CERS4: variants seen among roughly 807,000 people sequenced by gnomAD.
CERS4 encodes ceramide synthase 4.
CERS4 carries 65 observed loss-of-function variants against 51.8 expected under a neutral mutation model. The ratio of observed to expected loss-of-function variants is 1.26; its 90% CI spans 1.03 to 1.54. CERS4 has a LOEUF of 1.54. CERS4 is among the 40% of genes most tolerant of loss of function. The probability of loss-of-function intolerance (pLI) is 0.00; values close to 1 mark genes in which losing one functional copy is unlikely to be tolerated. For missense variants in CERS4, 563 were observed against 500.4 expected (o/e 1.13, Z -1.19); for synonymous variants, 228 against 208.4 (o/e 1.09, Z -0.81).
At position 8,255,615 on chromosome 19, in the gene CERS4, G is replaced by C; in HGVS notation, c.300G>C (p.Leu100=). Residue 100 remains leucine (L), a synonymous_variant, in exon 5 of 12, where the codon CTG becomes CTC. Coordinates refer to ENST00000251363, the MANE Select transcript of CERS4 (RefSeq NM_024552.3). ...TEGHRPKEPQ[L]SLLAAQCGLT... ...CATCACCCCCTCCCCAGCCCCAGCTGTCTCTCCTGGCCGCCCAGTGTGGCC... is the reference window on the plus strand; with the variant it reads ...CATCACCCCCTCCCCAGCCCCAGCTCTCTCTCCTGGCCGCCCAGTGTGGCC... The C allele has an allele frequency of 6.2e-6, 10 of 1,611,486 alleles. No homozygotes were observed. Among genetic ancestry groups the C allele is most frequent in the South Asian group, 1.1e-5 (1 of 90,896 alleles).
intron 9 of CERS4, 170 bp downstream of exon 9, chr19:8,257,247 C>G: frequency 1.4e-6 from 1 of 695,614 alleles, no homozygotes. Context: ...CTGATAAGGC[C>G]CCACCCCCTC....
chr19:8,209,865 T>G (rs916642626), intron 1 of CERS4: 81 of 151,910 alleles, frequency 5.3e-4, no homozygotes, highest in African/African-American at 1.7e-3. Flanking sequence ...GGCCTCGGAG[T>G]CCGCAGCCCG....
At position 8,260,533 on chromosome 19, in the gene CERS4, G is replaced by GAAA. The variant is rs33924278; in HGVS notation, c.849-1147_849-1145dup. On this transcript the variant is annotated intron_variant, in intron 10 of 11. Transcript: ENST00000251363. Reference sequence around the variant, plus strand: ...GCCAGTACTTTCAAGGAGTTCCAAGGAAAAAAAAAAGCCTACAGGGAAAAG... The same window carrying GAAA: ...GCCAGTACTTTCAAGGAGTTCCAAGGAAAAAAAAAAAAAGCCTACAGGGAAAAG... Among the ~76,000 whole-genome samples the GAAA allele has an allele frequency of 5.1e-3, 751 of 146,134 alleles. 8 individuals are homozygous for GAAA. The highest frequency in any genetic ancestry group is 0.016 in the African/African-American group (641 of 40,076).
At position 8,262,360 on chromosome 19, in the gene CERS4, G is replaced by A. The variant is rs36261; in HGVS notation, c.*251G>A. Reference sequence around the variant, plus strand: ...CTGGCCAGAGACACCTCCAGGCTGTGGCCTGGGGGCTGGGGGGAGCCCCAG... The same window carrying A: ...CTGGCCAGAGACACCTCCAGGCTGTAGCCTGGGGGCTGGGGGGAGCCCCAG... On this transcript the variant is annotated 3_prime_UTR_variant, in exon 12 of 12. Transcript: ENST00000251363. The A allele has an allele frequency of 0.45, 180,076 of 396,074 alleles. 41,650 individuals carry two copies. Among genetic ancestry groups the A allele is most frequent in the Admixed American group, 0.57 (13,228 of 23,080 alleles). The allele number at this position is 396,074 out of a possible 1,614,324, so 24.5% of individuals were successfully genotyped here.
chr19:8,257,935 C>T lies in CERS4; in HGVS notation c.798C>T (p.Leu266=), dbSNP rs1969483624. The T allele has an allele frequency of 1.2e-6, 2 of 1,613,968 alleles. No individual in the cohort carries two copies. The highest frequency in any genetic ancestry group is 1.7e-5 in the Admixed American group (1 of 60,006). ...QYQQVCDALF[L]IFSFVFFYTR... ...AGCAAGTGTGCGACGCTCTCTTCCT[C>T]ATCTTCTCCTTTGTCTTCTTCTACA... Residue 266 remains leucine (L), a synonymous_variant, in exon 10 of 12, where the codon CTC becomes CTT. Transcript: ENST00000251363.
chr19:8,243,194 TAAAA>T lies in CERS4; in HGVS notation c.-1-7856_-1-7853del, dbSNP rs56754017. Among the ~76,000 whole-genome samples, 311 of 59,896 alleles carry T rather than the reference TAAAA, an allele frequency of 5.2e-3. 2 individuals are homozygous for T. The highest frequency in any genetic ancestry group is 0.015 in the African/African-American group (216 of 14,696). The allele number at this position is 59,896 out of a possible 152,430, so 39.3% of individuals were successfully genotyped here. A position where few individuals can be genotyped will look rare whatever the true frequency, so the allele number is the denominator to read the frequency against. On this transcript the variant is annotated intron_variant, in intron 2 of 11. Transcript: ENST00000251363. ...GGGTGACAAAGTGAGACCCTGTCTCTAAAAAAAAAAAAAAAAAAAAAAAAAAAAA... is the reference window on the plus strand; with the variant it reads ...GGGTGACAAAGTGAGACCCTGTCTCTAAAAAAAAAAAAAAAAAAAAAAAAA...
chr19:8,245,126 A>AACAAAAAAAACAAAAAAAAACAAAC (rs71175820), intron 2 of CERS4, among the ~76,000 whole-genome samples: 1 of 148,130 alleles, frequency 6.8e-6, no homozygotes, highest in Non-Finnish European at 1.5e-5. Flanking sequence ...AAAAAAAAAA[A>AACAAAAAAAACAAAAAAAAACAAAC]AAAAAAAAAC....
intron 2 of CERS4, among the ~76,000 whole-genome samples, chr19:8,233,268 C>T (rs1480264741): frequency 2.0e-5 from 3 of 151,858 alleles, no homozygotes; most frequent in Admixed American, 6.6e-5. Context: ...CAGGTTCAAG[C>T]GATTCTCCTG....
intron 2 of CERS4, chr19:8,240,452 T>G (rs1321960208): frequency 6.6e-6 from 1 of 152,098 alleles, no homozygotes; most frequent in East Asian, 1.9e-4. Flanking sequence ...AGAGGCAGGC[T>G]GTGGTTATCT....
intron 9 of CERS4, 53 bp downstream of exon 9, chr19:8,257,130 G>C: frequency 1.3e-6 from 2 of 1,528,234 alleles, no homozygotes; most frequent in Non-Finnish European, 1.8e-6. Context: ...AGCCCTCCCA[G>C]GTGCCCCAGA....
At chr19:8,257,601 T>C (rs1206661465) in intron 9 of CERS4, among the ~76,000 whole-genome samples, 1 of 152,178 alleles carries the variant, frequency 6.6e-6, no homozygotes, top group East Asian at 1.9e-4. Flanking sequence ...AGCTAACTTT[T>C]GTATTTGTAG....
chr19:8,245,111 CAAA>C (rs74179480), intron 2 of CERS4, among the ~76,000 whole-genome samples: 127 of 21,726 alleles, frequency 5.8e-3, no homozygotes, highest in Middle Eastern at 0.033. Context: ...GACTCCATCT[CAAA>C]AAAAAAAAAA....
chr19:8,254,730 T>G (rs1969282082), intron 4 of CERS4, 114 bp downstream of exon 4: 1 of 835,004 alleles, frequency 1.2e-6, no homozygotes, highest in East Asian at 2.7e-5. Flanking sequence ...CAGGCACCCC[T>G]GCAATGCCCC....
Position 8,251,138 on chromosome 19 carries a change from C to A in CERS4, c.62C>A (p.Thr21Lys). 1.2e-6 allele frequency: 2 copies of A among 1,612,880 alleles called. No individual in the cohort carries two copies. The highest frequency in any genetic ancestry group is 1.7e-6 in the Non-Finnish European group (2 of 1,179,564). ...QDRFWLPPNV[T>K]WTELEDRDGR... The stretch of plus-strand genomic sequence containing the variant: ...AGGTTCTGGTTACCACCCAATGTCA[C>A]GTGGACAGAGCTAGAAGACCGGGAT... The change falls in exon 3 of 12, where the codon ACG (threonine) becomes AAG (lysine). Residue 21 changes from threonine (T) to lysine (K), a missense_variant. Thr to Lys is a moderately conservative substitution (Grantham distance 78). Coordinates refer to ENST00000251363, the MANE Select transcript of CERS4 (RefSeq NM_024552.3).
chr19:8,259,215 T>C (rs976347232), intron 10 of CERS4, among the ~76,000 whole-genome samples: 3 of 152,162 alleles, frequency 2.0e-5, no homozygotes, highest in African/African-American at 7.2e-5. Flanking sequence ...AATGCCTCGC[T>C]GGCAGCGTTT....
intron 10 of CERS4, chr19:8,260,967 A>AC (rs879901069): frequency 0.51 from 73,634 of 144,812 alleles, 20,003 homozygotes; most frequent in South Asian, 0.61. Context: ...AAAAAAAAAA[A>AC]AAAAAAAAAA....
chr19:8,259,455 T>C (rs768988665), intron 10 of CERS4, among the ~76,000 whole-genome samples: 1 of 151,896 alleles, frequency 6.6e-6, no homozygotes, highest in Non-Finnish European at 1.5e-5. Context: ...GGACTTTGGC[T>C]TTGACCCCGG....
At chr19:8,260,012 C>T (rs1312583425) in intron 10 of CERS4, among the ~76,000 whole-genome samples, 6 of 151,912 alleles carry the variant, frequency 3.9e-5, no homozygotes, top group Non-Finnish European at 5.9e-5. Context: ...GCAGAAGTGG[C>T]TGTGAGATGG....
At chr19:8,233,132 T>A (rs1436528794) in intron 2 of CERS4, among the ~76,000 whole-genome samples, 1 of 151,716 alleles carries the variant, frequency 6.6e-6, no homozygotes, top group African/African-American at 2.4e-5. Flanking sequence ...TCCTCCAACT[T>A]CAGCCTGGGA....
Sources: gnomAD v4.1 joint callset for allele counts (sites outside exome capture counted in the v4.1 genomes callset) on GRCh38, gnomAD v4.1.1 for gene constraint, MANE v1.5 for transcripts, NCBI Gene and HGNC (gene_info 2026-07-23, HGNC 2026-07-21) for gene names.